Variants in SNX17 observed in about 807,000 individuals in gnomAD.
The protein encoded by SNX17 is sorting nexin-17.
SNX17 carries 35 observed loss-of-function variants against 64.3 expected under a neutral mutation model. The observed-to-expected ratio is 0.54, with a 90% CI of 0.42 to 0.72. SNX17 has a LOEUF of 0.72. SNX17 is among the 30% of genes least tolerant of loss of function. The pLI, the probability that SNX17 is intolerant of heterozygous loss-of-function variation, is 0.00. For synonymous variants in SNX17, 259 were observed against 230.2 expected, an observed-to-expected ratio of 1.13 and a Z score of -1.13; for missense variants, 538 against 610.0, an observed-to-expected ratio of 0.88 and a Z score of 1.24.
intron 2 of SNX17, among the ~76,000 whole-genome samples, chr2:27,372,376 C>T (rs572167962): frequency 1.8e-4 from 28 of 152,298 alleles, no homozygotes; most frequent in African/African-American, 6.3e-4. Flanking sequence ...TGGCCCAGTA[C>T]AAATCCTCCC....
Position 27,376,378 on chromosome 2 carries a change from A to G in SNX17, c.1248A>G (p.Pro416=). 1 of 1,613,752 alleles carries G rather than the reference A, an allele frequency of 6.2e-7. No homozygotes were observed. The highest frequency in any genetic ancestry group is 1.1e-5 in the South Asian group (1 of 91,070). Residue 416 remains proline, a synonymous_variant, in exon 13 of 15, where the codon CCA becomes CCG. Coordinates refer to ENST00000233575, the MANE Select transcript of SNX17 (RefSeq NM_014748.4). ...RSDSQQAVKS[P]PLLESPDATR... is the part of the protein sequence containing the mutation. ...ACAGCCAGCAAGCAGTGAAGTCCCC[A>G]CCACTGCTTGTAAGTATTACCTCCT... is the stretch of plus-strand genomic sequence containing the variant.
At position 27,377,437 on chromosome 2, in the gene SNX17, C is replaced by T. The variant is rs777565021; in HGVS notation, c.*718C>T. The T allele has an allele frequency of 3.1e-6, 4 of 1,275,428 alleles. No individual in the cohort carries two copies. The African/African-American group carries it at 5.8e-5, about 19-fold the overall frequency. The allele number at this position is 1,275,428 out of a possible 1,614,324, so 79.0% of individuals were successfully genotyped here. A position where few individuals can be genotyped will look rare whatever the true frequency, so the allele number is the denominator to read the frequency against. On this transcript the variant is annotated 3_prime_UTR_variant, in exon 15 of 15. Transcript: ENST00000233575. The surrounding 1 kb of genome is among the most constrained non-coding windows in gnomAD (Gnocchi z 4.4). Reference sequence around the variant, plus strand: ...GGGCCCCCCCGCCCATGGGGTTGGGCTGGTCCTTATAGTGCCTACGTTAGT... The same window carrying T: ...GGGCCCCCCCGCCCATGGGGTTGGGTTGGTCCTTATAGTGCCTACGTTAGT...
intron 1 of SNX17, 134 bp from the exon 2 acceptor site, chr2:27,371,135 C>G (rs1682468643): frequency 4.8e-6 from 4 of 830,832 alleles, no homozygotes; most frequent in Non-Finnish European, 7.8e-6. Flanking sequence ...TTGGCCCTGG[C>G]GAAAACAAGC....
Position 27,374,767 on chromosome 2 carries a change from G to A in SNX17, c.681+9G>A, listed in dbSNP as rs1276648212. 3.1e-6 allele frequency: 5 copies of A among 1,613,422 alleles called. No homozygotes were observed. In the South Asian group the frequency reaches 3.3e-5, roughly 11 times the overall value. On this transcript the variant is annotated intron_variant, in intron 8 of 14. Transcript: ENST00000233575. ...ACCTGCTTTATGCTCAGGTGAGCTTGGAGCTGCCTCAGAACCCTTCCCCTG... is the reference window on the plus strand; with the variant it reads ...ACCTGCTTTATGCTCAGGTGAGCTTAGAGCTGCCTCAGAACCCTTCCCCTG...
At position 27,375,233 on chromosome 2, in the gene SNX17, G is replaced by A. The variant is rs756899685; in HGVS notation, c.774+80G>A. 206 of 1,274,768 alleles carry A rather than the reference G, an allele frequency of 1.6e-4. No individual in the cohort carries two copies. Among genetic ancestry groups the A allele is most frequent in the Admixed American group, 4.2e-4 (22 of 52,678 alleles). The allele number at this position is 1,274,768 out of a possible 1,614,324, so 79.0% of individuals were successfully genotyped here. ...GGCTCACTGCAAGCTCTGCCTCTCA[G>A]ATTCATGCCATTCTCCCGCCTCAGC... On this transcript the variant is annotated intron_variant, in intron 9 of 14. Transcript: ENST00000233575. This position sits in a 1 kb window ranked among gnomAD's most constrained non-coding sequence, Gnocchi z 4.1.
Position 27,376,942 on chromosome 2 carries a change from AT to A in SNX17, c.*225del. 1.8e-6 allele frequency: 1 copy of A among 566,402 alleles called. No homozygotes were observed. Among genetic ancestry groups the A allele is most frequent in the Non-Finnish European group, 3.2e-6 (1 of 316,230 alleles). The allele number at this position is 566,402 out of a possible 1,614,324, so 35.1% of individuals were successfully genotyped here. The stretch of plus-strand genomic sequence containing the variant: ...TTTCAGAGCTGGCCCTCGATGCCAA[AT>A]TAGCATTTAGTATTTTGCACAAAGT... On this transcript the variant is annotated 3_prime_UTR_variant, in exon 15 of 15. Transcript: ENST00000233575.
In SNX17 at chr2:27,374,432, A is replaced by ATTGT; in HGVS notation, c.610_611insTTGT (p.Ser204IlefsTer9). On this transcript the variant is annotated frameshift_variant and splice_region_variant, in exon 7 of 15. Coordinates refer to ENST00000233575, the MANE Select transcript of SNX17 (RefSeq NM_014748.4). LOFTEE classifies it high-confidence loss of function. Reference sequence around the variant, plus strand: ...AGAGTATAAGATTGTGCTAAGGAAGAGGTCAGGGCTGGGCCTGGAAGGGGA... The same window carrying ATTGT: ...AGAGTATAAGATTGTGCTAAGGAAGATTGTGGTCAGGGCTGGGCCTGGAAGGGGA... The ATTGT allele has an allele frequency of 6.2e-7, 1 of 1,610,204 alleles. No individual in the cohort carries two copies. Among genetic ancestry groups the ATTGT allele is most frequent in the Non-Finnish European group, 8.5e-7 (1 of 1,176,742 alleles).
At position 27,375,893 on chromosome 2, in the gene SNX17, T is replaced by G. The variant is rs749609272; in HGVS notation, c.1026T>G (p.Gly342=). The change falls in exon 11 of 15, where the codon GGT becomes GGG. Residue 342 remains glycine, a synonymous_variant. Transcript: ENST00000233575. This position sits in a 1 kb window ranked among gnomAD's most constrained non-coding sequence, Gnocchi z 4.1. ...GSTSSPGRGR[G]EVRLELAFEY... ...CGAGCAGCCCAGGCCGGGGCCGGGGTGAGGTGCGCCTGGAACTGGCTTTTG... is the reference window on the plus strand; with the variant it reads ...CGAGCAGCCCAGGCCGGGGCCGGGGGGAGGTGCGCCTGGAACTGGCTTTTG... 2.5e-6 allele frequency: 4 copies of G among 1,613,906 alleles called. No homozygotes were observed. Among genetic ancestry groups the G allele is most frequent in the Non-Finnish European group, 3.4e-6 (4 of 1,180,010 alleles).
rs1038494023 is a variant in SNX17 at position 27,375,534 on chromosome 2, A to G, written c.803A>G (p.His268Arg). The G allele has an allele frequency of 1.2e-6, 2 of 1,614,170 alleles. No homozygotes were observed. Among genetic ancestry groups the G allele is most frequent in the South Asian group, 2.2e-5 (2 of 91,086 alleles). The change falls in exon 10 of 15, where the codon CAC becomes CGC. Residue 268 changes from histidine to arginine, a missense_variant. His to Arg is a conservative substitution (Grantham distance 29). Transcript: ENST00000233575. This position sits in a 1 kb window ranked among gnomAD's most constrained non-coding sequence, Gnocchi z 4.1. ...EFLRLAQTLR[H>R]YGYLRFDACV... ...CTGAGACTGGCCCAGACGCTGCGGCACTATGGCTACTTGCGCTTTGATGCC... is the reference window on the plus strand; with the variant it reads ...CTGAGACTGGCCCAGACGCTGCGGCGCTATGGCTACTTGCGCTTTGATGCC...
In SNX17 at chr2:27,375,590, C is replaced by T. The variant is rs896436449; in HGVS notation, c.859C>T (p.Pro287Ser). 1.2e-6 allele frequency: 2 copies of T among 1,614,080 alleles called. No individual in the cohort carries two copies. Among genetic ancestry groups the T allele is most frequent in the African/African-American group, 2.7e-5 (2 of 74,920 alleles). ...GGCTGACTTCCCAGAAAAGGACTGTCCTGTGGTGGTGAGCGCGGGCAACAG... is the reference window on the plus strand; with the variant it reads ...GGCTGACTTCCCAGAAAAGGACTGTTCTGTGGTGGTGAGCGCGGGCAACAG... ...CVADFPEKDC[P>S]VVVSAGNSEL... Residue 287 changes from proline (P) to serine (S), a missense_variant, in exon 10 of 15, where the codon CCT becomes TCT. Physicochemically the swap from Pro to Ser is moderately conservative, Grantham distance 74. Around this residue, in one of 3 missense-constraint regions of SNX17, gnomAD observed 505 missense variants for 550.4 expected, o/e 0.92. Coordinates refer to ENST00000233575, the MANE Select transcript of SNX17 (RefSeq NM_014748.4). The surrounding 1 kb of genome is among the most constrained non-coding windows in gnomAD (Gnocchi z 4.1).
Position 27,370,881 on chromosome 2 carries a change from C to T in SNX17, c.63+75C>T, listed in dbSNP as rs570200906. On this transcript the variant is annotated intron_variant, in intron 1 of 14. Transcript: ENST00000233575. Reference sequence around the variant, plus strand: ...GGCCCGAGCCATCTCGGAGCGGCCTCTGAGGCCTGACCGCCACCCTTCGGG... The same window carrying T: ...GGCCCGAGCCATCTCGGAGCGGCCTTTGAGGCCTGACCGCCACCCTTCGGG... 1.6e-3 allele frequency: 2,383 copies of T among 1,477,812 alleles called. 7 individuals carry two copies. Among genetic ancestry groups the T allele is most frequent in the Non-Finnish European group, 2.0e-3 (2,201 of 1,107,746 alleles). The allele number at this position is 1,477,812 out of a possible 1,614,324, so 91.5% of individuals were successfully genotyped here.
At chr2:27,374,204 C>CA (rs1682924483) in intron 6 of SNX17, 29 bp downstream of exon 6, 2 of 1,602,930 alleles carry the variant, frequency 1.2e-6, no homozygotes, top group Non-Finnish European at 1.7e-6. Flanking sequence ...GACTGCAGTA[C>CA]AAGGGTACTT....
intron 2 of SNX17, chr2:27,371,746 C>T (rs114862813): frequency 1.6e-3 from 270 of 173,500 alleles, no homozygotes; most frequent in Non-Finnish European, 2.7e-3. Context: ...TTCTTCGGCT[C>T]ATTTCAGTGT....
chr2:27,370,930 C>T, intron 1 of SNX17, 124 bp downstream of exon 1: 1 of 1,090,482 alleles, frequency 9.2e-7, no homozygotes, highest in Non-Finnish European at 1.3e-6. Context: ...CGCCGACTCC[C>T]GACGGCCTCT....
chr2:27,375,070 G>C lies in SNX17; in HGVS notation c.691G>C (p.Asp231His). Residue 231 changes from aspartate (D) to histidine (H), a missense_variant, in exon 9 of 15, where the codon GAT (aspartate) becomes CAT (histidine). Around this residue, in one of 3 missense-constraint regions of SNX17, gnomAD observed 505 missense variants for 550.4 expected, o/e 0.92. Coordinates refer to ENST00000233575, the MANE Select transcript of SNX17 (RefSeq NM_014748.4). This position sits in a 1 kb window ranked among gnomAD's most constrained non-coding sequence, Gnocchi z 4.1. ...CTTGTCTCTACTATAGACGGTATCAGATATTGAGCGTGGGTGGATCTTGGT... is the reference window on the plus strand; with the variant it reads ...CTTGTCTCTACTATAGACGGTATCACATATTGAGCGTGGGTGGATCTTGGT... ...LNLLYAQTVS[D>H]IERGWILVTK... 6.2e-7 allele frequency: 1 copy of C among 1,614,114 alleles called. No homozygotes were observed. Among genetic ancestry groups the C allele is most frequent in the Non-Finnish European group, 8.5e-7 (1 of 1,179,986 alleles).
In SNX17 at chr2:27,375,429, C is replaced by T. The variant is rs1572640196; in HGVS notation, c.775-77C>T. The T allele has an allele frequency of 1.1e-5, 17 of 1,514,300 alleles. No homozygotes were observed. The highest frequency in any genetic ancestry group is 5.5e-5 in the African/African-American group (4 of 73,002). 93.8% of individuals were successfully genotyped at this position (1,514,300 alleles called of 1,614,324 possible). On this transcript the variant is annotated intron_variant, in intron 9 of 14. Transcript: ENST00000233575. The surrounding 1 kb of genome is among the most constrained non-coding windows in gnomAD (Gnocchi z 4.1). Reference sequence around the variant, plus strand: ...CTGGGATTATAGGCATGAGCCACCGCGCCCGACCGGGGTTGCTTTTTCTGA... The same window carrying T: ...CTGGGATTATAGGCATGAGCCACCGTGCCCGACCGGGGTTGCTTTTTCTGA...
intron 2 of SNX17, 128 bp downstream of exon 2, chr2:27,371,471 A>G: frequency 7.1e-7 from 1 of 1,416,056 alleles, no homozygotes. Flanking sequence ...GCCACAGGGT[A>G]GGGCCCTGGT....
At chr2:27,372,462 T>A (rs1182135845) in intron 2 of SNX17, 161 bp from the exon 3 acceptor site, 1 of 408,036 alleles carries the variant, frequency 2.5e-6, no homozygotes, top group Non-Finnish European at 3.3e-6. Flanking sequence ...CTTGAGGTGC[T>A]ACCGCTGTCA....
chr2:27,373,837 CA>C, intron 4 of SNX17, 23 bp from the exon 5 acceptor site: 1 of 1,581,948 alleles, frequency 6.3e-7, no homozygotes, highest in African/African-American at 1.3e-5. Context: ...CAGTGCTTCC[CA>C]TCCCCATGTG....
Sources: gnomAD v4.1 joint callset for allele counts (sites outside exome capture counted in the v4.1 genomes callset) on GRCh38, gnomAD v4.1.1 for gene constraint, gnomAD v4.1.1 regional missense constraint, Gnocchi (gnomAD v3.1) non-coding constraint, MANE v1.5 for transcripts, NCBI Gene and HGNC (gene_info 2026-07-23, HGNC 2026-07-21) for gene names.